Variants in CLEC16A observed in about 807,000 individuals in gnomAD.
CLEC16A encodes protein CLEC16A.
CLEC16A carries 51 observed loss-of-function variants against 109.5 expected under a neutral mutation model. That is an observed-to-expected ratio of 0.47 (90% CI 0.37 to 0.59). CLEC16A has a LOEUF of 0.59. CLEC16A is among the 20% of genes least tolerant of loss of function. The pLI is 0.00. For missense variants in CLEC16A, 1,339 were observed against 1,394.0 expected, an observed-to-expected ratio of 0.96 and a Z score of 0.63; for synonymous variants, 673 against 564.2, an observed-to-expected ratio of 1.19 and a Z score of -2.73.
rs201364228 is a variant in CLEC16A, at chr16:11,120,622, C to T, written c.2124C>T (p.Ser708=). The change falls in exon 20 of 24, where the codon AGC becomes AGT. Residue 708 remains serine, a synonymous_variant. Coordinates refer to ENST00000409790, the MANE Select transcript of CLEC16A (RefSeq NM_015226.3). ...TCACCTTCCTCCTCCCAGATAACAG[C>T]GACTTGATTGCATGTACAGTGATCA... The part of the protein sequence containing the change: ...KTDDVLDLNN[S]DLIACTVITK... 9.6e-5 allele frequency: 155 copies of T among 1,608,922 alleles called. No individual in the cohort carries two copies. In the African/African-American group the frequency reaches 1.8e-3, roughly 18 times the overall value.
chr16:11,164,291 G>C (rs536753372), intron 22 of CLEC16A, among the ~76,000 whole-genome samples: 1 of 152,198 alleles, frequency 6.6e-6, no homozygotes, highest in Non-Finnish European at 1.5e-5. Flanking sequence ...ATTATAGTCA[G>C]CGCTTGTTAA....
chr16:11,165,005 C>T lies in CLEC16A; in HGVS notation c.2642-1383C>T, dbSNP rs140762841. On this transcript the variant is annotated intron_variant, in intron 22 of 23. Transcript: ENST00000409790. ...GAGTGACCAAGAGGGTTGAGATCCC[C>T]TCTCTCAGCTGGAAGGAGGACTCGC... Among the ~76,000 whole-genome samples, 6 of 152,242 alleles carry T rather than the reference C, an allele frequency of 3.9e-5. No homozygotes were observed. The East Asian group carries it at 1.2e-3, about 29-fold the overall frequency.
intron 1 of CLEC16A, among the ~76,000 whole-genome samples, chr16:10,955,997 T>C (rs1018220720): frequency 6.6e-6 from 1 of 152,190 alleles, no homozygotes; most frequent in Non-Finnish European, 1.5e-5. Flanking sequence ...TTGAAACTCT[T>C]GGGGAAGATG....
chr16:10,972,894 T>G, intron 6 of CLEC16A, 44 bp from the exon 7 acceptor site: 1 of 1,545,546 alleles, frequency 6.5e-7, no homozygotes, highest in East Asian at 2.3e-5. Context: ...CCCCAAGTTA[T>G]TTTTGGTAGC....
At chr16:11,166,328 A>G in intron 22 of CLEC16A, 60 bp from the exon 23 acceptor site, 4 of 1,507,378 alleles carry the variant, frequency 2.7e-6, no homozygotes, top group Non-Finnish European at 3.6e-6. Context: ...GAACCATGAC[A>G]TTGAGGCCCT....
Position 10,957,888 on chromosome 16 carries a change from C to A in CLEC16A, c.187C>A (p.Gln63Lys). 6.2e-7 allele frequency: 1 copy of A among 1,613,852 alleles called. No homozygotes were observed. Among genetic ancestry groups the A allele is most frequent in the South Asian group, 1.1e-5 (1 of 91,072 alleles). Reference protein sequence around the residue: ...SITEILIWGDQNDSSVFDFFL... With the variant: ...SITEILIWGDKNDSSVFDFFL... ...CACTGAGATCCTGATCTGGGGAGAT[C>A]AAAATGACAGCTCTGTATTTGAGTA... Residue 63 changes from glutamine (Q) to lysine (K), a missense_variant, in exon 2 of 24, where the codon CAA (glutamine) becomes AAA (lysine). Gln to Lys is a moderately conservative substitution (Grantham distance 53). Coordinates refer to ENST00000409790, the MANE Select transcript of CLEC16A (RefSeq NM_015226.3).
chr16:11,087,829 A>G (rs114907804), intron 19 of CLEC16A, among the ~76,000 whole-genome samples: 2 of 152,224 alleles, frequency 1.3e-5, no homozygotes, highest in Non-Finnish European at 2.9e-5. Flanking sequence ...GTCGCTGGCC[A>G]GGTCACTGTG....
At chr16:11,011,494 T>G (rs558682586) in intron 11 of CLEC16A, among the ~76,000 whole-genome samples, 40 of 152,270 alleles carry the variant, frequency 2.6e-4, no homozygotes, top group African/African-American at 9.6e-4. Flanking sequence ...CTGGTGATTT[T>G]TTGAGCAGTC....
intron 1 of CLEC16A, among the ~76,000 whole-genome samples, chr16:10,950,235 C>G (rs1257714452): frequency 2.6e-5 from 4 of 152,092 alleles, no homozygotes; most frequent in Admixed American, 6.6e-5. Context: ...TTGTTTTCTC[C>G]CAATTTGAAC....
chr16:11,127,343 C>T (rs576990396), intron 22 of CLEC16A, among the ~76,000 whole-genome samples: 3 of 152,198 alleles, frequency 2.0e-5, no homozygotes, highest in South Asian at 2.1e-4. Context: ...TTTGCTGTTT[C>T]GTATTTGGGT....
intron 19 of CLEC16A, among the ~76,000 whole-genome samples, chr16:11,070,036 C>T (rs1308689683): frequency 1.3e-5 from 2 of 151,500 alleles, no homozygotes; most frequent in African/African-American, 4.9e-5. Flanking sequence ...GTTACCTTCT[C>T]TCCCAGCTTC....
At chr16:10,975,597 A>G (rs990983810) in intron 7 of CLEC16A, among the ~76,000 whole-genome samples, 3 of 152,182 alleles carry the variant, frequency 2.0e-5, no homozygotes, top group African/African-American at 7.2e-5. Flanking sequence ...GACATTCATT[A>G]TACTGTTAGG....
chr16:11,121,677 C>T (rs553181869), intron 20 of CLEC16A, among the ~76,000 whole-genome samples: 3 of 151,352 alleles, frequency 2.0e-5, no homozygotes, highest in African/African-American at 7.3e-5. Context: ...GTCAGGAGTT[C>T]GAGACCAGCC....
intron 22 of CLEC16A, among the ~76,000 whole-genome samples, chr16:11,147,399 G>A (rs1014713109): frequency 2.6e-5 from 4 of 152,202 alleles, no homozygotes; most frequent in African/African-American, 9.7e-5. Flanking sequence ...GAAAGTTCTT[G>A]GACTTGGGCC....
chr16:11,042,106 G>T (rs2047368415), intron 14 of CLEC16A, 148 bp from the exon 15 acceptor site: 1 of 606,256 alleles, frequency 1.6e-6, no homozygotes, highest in East Asian at 2.8e-5. Context: ...GGCATGGGGG[G>T]TTCCCACTGT....
intron 10 of CLEC16A, among the ~76,000 whole-genome samples, chr16:10,998,481 T>C (rs967575594): frequency 5.3e-5 from 8 of 152,222 alleles, no homozygotes; most frequent in Non-Finnish European, 7.3e-5. Flanking sequence ...CAGAATACTT[T>C]TCCCTGGGGC....
intron 13 of CLEC16A, among the ~76,000 whole-genome samples, chr16:11,026,538 A>G (rs147335901): frequency 6.8e-6 from 1 of 147,376 alleles, no homozygotes; most frequent in East Asian, 2.0e-4. Context: ...TTAGGTCTTC[A>G]TTTTTTTTCC....
chr16:10,952,459 A>C (rs1348466355), intron 1 of CLEC16A, among the ~76,000 whole-genome samples: 2 of 152,232 alleles, frequency 1.3e-5, no homozygotes, highest in Non-Finnish European at 2.9e-5. Context: ...ACGCCACTGC[A>C]CTCCAGCCTG....
rs12325303 is a variant in CLEC16A at position 11,134,056 on chromosome 16, C to T, written c.2641+7910C>T. Among the ~76,000 whole-genome samples the T allele has an allele frequency of 3.8e-3, 585 of 152,260 alleles. 5 individuals are homozygous for T. The highest frequency in any genetic ancestry group is 0.013 in the African/African-American group (555 of 41,536). On this transcript the variant is annotated intron_variant, in intron 22 of 23. Coordinates refer to ENST00000409790, the MANE Select transcript of CLEC16A (RefSeq NM_015226.3). ...AGGAAGATGTTACCATTTTCCCTTT[C>T]AGCAGGTCAGAAAGTGGCCTACCCA... is the stretch of plus-strand genomic sequence containing the variant.
Sources: allele counts gnomAD v4.1 joint callset (sites outside exome capture counted in the v4.1 genomes callset), GRCh38; gene constraint gnomAD v4.1.1; transcripts MANE v1.5; gene names NCBI Gene and HGNC (gene_info 2026-07-23, HGNC 2026-07-21).